The following PELI2 variants were observed in gnomAD, a reference collection of about 807,000 sequenced individuals.
The protein encoded by PELI2 is pellino E3 ubiquitin protein ligase family member 2.
PELI2 carries 23 observed loss-of-function variants against 42.3 expected under a neutral mutation model. That is an observed-to-expected ratio of 0.54 (90% CI 0.39 to 0.77). The LOEUF is 0.77. Among genes scored for constraint, PELI2 ranks in the 30% least tolerant of loss-of-function variants. The pLI is 0.00. For missense variants in PELI2, 463 were observed against 553.2 expected, an observed-to-expected ratio of 0.84 and a Z score of 1.64; for synonymous variants, 245 against 212.2, an observed-to-expected ratio of 1.15 and a Z score of -1.34.
Position 56,178,320 on chromosome 14 carries a change from CCT to C in PELI2, c.78-10_78-9del. On this transcript the variant is annotated splice_polypyrimidine_tract_variant and intron_variant, in intron 1 of 5. Transcript: ENST00000267460. ...AAATCTGCAGATAGATGAACTCTTT[CCT>C]CTCTGTTTCTAGGTACAATGGTGCT... 6.2e-7 allele frequency: 1 copy of C among 1,613,274 alleles called. No homozygotes were observed. Among genetic ancestry groups the C allele is most frequent in the East Asian group, 2.2e-5 (1 of 44,860 alleles).
chr14:56,244,114 T>C (rs899605), intron 2 of PELI2, among the ~76,000 whole-genome samples: 60,356 of 151,970 alleles, frequency 0.4, 12,846 homozygotes, highest in South Asian at 0.53. Flanking sequence ...GTGAAACTGA[T>C]GAATTTTGTT....
intron 2 of PELI2, among the ~76,000 whole-genome samples, chr14:56,256,237 G>A (rs1888523006): frequency 1.3e-5 from 2 of 151,968 alleles, no homozygotes; most frequent in Admixed American, 6.6e-5. Context: ...AGACCAGCCT[G>A]GACAACATAG....
intron 1 of PELI2, among the ~76,000 whole-genome samples, chr14:56,160,646 T>C (rs944344426): frequency 3.3e-5 from 5 of 152,192 alleles, no homozygotes; most frequent in African/African-American, 1.2e-4. Flanking sequence ...GGGTCTTCTG[T>C]AAACTGCAGC....
At chr14:56,151,208 C>T (rs530633230) in intron 1 of PELI2, among the ~76,000 whole-genome samples, 65 of 152,186 alleles carry the variant, frequency 4.3e-4, no homozygotes, top group Non-Finnish European at 7.2e-4. Context: ...TTTAATGCCA[C>T]GTGGCCTTTG....
At chr14:56,262,556 G>A (rs1888747397) in intron 2 of PELI2, among the ~76,000 whole-genome samples, 1 of 152,068 alleles carries the variant, frequency 6.6e-6, no homozygotes. Flanking sequence ...AGCTGAGGAT[G>A]GGATAATAAA....
At chr14:56,147,458 A>G (rs1400967023) in intron 1 of PELI2, among the ~76,000 whole-genome samples, 2 of 152,206 alleles carry the variant, frequency 1.3e-5, no homozygotes, top group Admixed American at 6.5e-5. Context: ...ATGAGAAGAT[A>G]TGAAAATCAC....
chr14:56,294,117 A>G (rs1393589362), intron 5 of PELI2, among the ~76,000 whole-genome samples: 6 of 152,212 alleles, frequency 3.9e-5, no homozygotes, highest in Non-Finnish European at 5.9e-5. Context: ...TGTCCTGTAC[A>G]GTATTAAGAT....
chr14:56,237,168 C>G (rs535801635), intron 2 of PELI2, among the ~76,000 whole-genome samples: 53 of 152,256 alleles, frequency 3.5e-4, no homozygotes, highest in African/African-American at 1.2e-3. Context: ...TATTATTGAC[C>G]TGTTTTTAAC....
intron 2 of PELI2, among the ~76,000 whole-genome samples, chr14:56,263,893 T>C (rs1315313564): frequency 5.8e-4 from 1 of 1,728 alleles, no homozygotes; most frequent in East Asian, 2.4e-3. Context: ...TGCAGACGAT[T>C]TTTTTTAAAG....
At chr14:56,280,166 C>G (rs1486405495) in intron 3 of PELI2, among the ~76,000 whole-genome samples, 1 of 152,066 alleles carries the variant, frequency 6.6e-6, no homozygotes, top group Non-Finnish European at 1.5e-5. Context: ...GCACAACTGA[C>G]AAGACGAGGC....
chr14:56,228,288 A>G (rs901613162), intron 2 of PELI2, among the ~76,000 whole-genome samples: 1 of 152,186 alleles, frequency 6.6e-6, no homozygotes, highest in African/African-American at 2.4e-5. Context: ...TCCCTTTTTC[A>G]GCATGATGCA....
chr14:56,271,233 A>G (rs1224342802), intron 2 of PELI2, among the ~76,000 whole-genome samples: 2 of 152,178 alleles, frequency 1.3e-5, no homozygotes, highest in African/African-American at 4.8e-5. Flanking sequence ...CTCGCTGTAA[A>G]CTCATTCATT....
At chr14:56,270,524 A>AT (rs1206603728) in intron 2 of PELI2, among the ~76,000 whole-genome samples, 2 of 152,232 alleles carry the variant, frequency 1.3e-5, no homozygotes, top group Non-Finnish European at 2.9e-5. Context: ...CATAATAGTC[A>AT]TTAGTTCTAG....
chr14:56,197,013 G>A lies in PELI2; in HGVS notation c.207+18549G>A, dbSNP rs11625156. On this transcript the variant is annotated intron_variant, in intron 2 of 5. Transcript: ENST00000267460. This position sits in a 1 kb window ranked among gnomAD's most constrained non-coding sequence, Gnocchi z 4.9. ...CAGATACTTTAAGTATTTTATTCTA[G>A]GTGTTTAGATTTTTCTTGCATTAGA... Among the ~76,000 whole-genome samples the A allele has an allele frequency of 0.38, 57,231 of 151,844 alleles. 12,184 individuals carry two copies. The highest frequency in any genetic ancestry group is 0.52 in the South Asian group (2,492 of 4,804).
At chr14:56,245,334 G>A (rs1888112982) in intron 2 of PELI2, among the ~76,000 whole-genome samples, 1 of 152,040 alleles carries the variant, frequency 6.6e-6, no homozygotes. Flanking sequence ...TATTACTCAA[G>A]CTAAATGTGT....
intron 1 of PELI2, among the ~76,000 whole-genome samples, chr14:56,177,850 T>G (rs1369622957): frequency 1.3e-5 from 2 of 152,228 alleles, no homozygotes; most frequent in Non-Finnish European, 2.9e-5. Context: ...AGAAAGCAAG[T>G]AACTAAATTG....
In PELI2 at chr14:56,204,247, A is replaced by G. The variant is rs1186416096; in HGVS notation, c.207+25783A>G. Among the ~76,000 whole-genome samples, 6 of 152,228 alleles carry G rather than the reference A, an allele frequency of 3.9e-5. No homozygotes were observed. In the East Asian group the frequency reaches 1.2e-3, roughly 29 times the overall value. On this transcript the variant is annotated intron_variant, in intron 2 of 5. Coordinates refer to ENST00000267460, the MANE Select transcript of PELI2 (RefSeq NM_021255.3). Reference sequence around the variant, plus strand: ...ATCAGTTAGAAGCTATTGTCCAGGCAAGGTGATGTGATTTAGACTGAGTTG... The same window carrying G: ...ATCAGTTAGAAGCTATTGTCCAGGCGAGGTGATGTGATTTAGACTGAGTTG...
chr14:56,124,226 C>G (rs1566592993), intron 1 of PELI2, among the ~76,000 whole-genome samples: 1 of 152,182 alleles, frequency 6.6e-6, no homozygotes, highest in Non-Finnish European at 1.5e-5. Flanking sequence ...TCTCAAGTAC[C>G]TCATATGTGA....
intron 3 of PELI2, among the ~76,000 whole-genome samples, chr14:56,285,992 A>T (rs1889632531): frequency 6.6e-6 from 1 of 152,206 alleles, no homozygotes. Context: ...ACAGTTTGGC[A>T]TTGCGGAAAC....
Sources: allele counts gnomAD v4.1 joint callset (sites outside exome capture counted in the v4.1 genomes callset), GRCh38; gene constraint gnomAD v4.1.1; non-coding constraint Gnocchi (gnomAD v3.1); transcripts MANE v1.5; gene names NCBI Gene and HGNC (gene_info 2026-07-23, HGNC 2026-07-21).